The following SH3GL2 variants were observed in gnomAD, a reference collection of about 807,000 sequenced individuals.
SH3GL2 encodes the protein endophilin-A1.
SH3GL2 carries 24 observed loss-of-function variants against 46.0 expected under a neutral mutation model. That is an observed-to-expected ratio of 0.52 (90% confidence interval 0.38 to 0.73). The LOEUF (loss-of-function observed/expected upper bound fraction) is 0.73, where lower values mean the gene tolerates loss of function less well. SH3GL2 is among the 30% of genes least tolerant of loss of function. The probability of loss-of-function intolerance (pLI) is 0.00; values close to 1 mark genes in which losing one functional copy is unlikely to be tolerated. For synonymous variants in SH3GL2, 196 were observed against 147.1 expected (o/e 1.33, Z -2.40); for missense variants, 413 against 424.2 (o/e 0.97, Z 0.23).
intron 1 of SH3GL2, among the ~76,000 whole-genome samples, chr9:17,638,692 C>T (rs1819605026): frequency 6.6e-6 from 1 of 152,200 alleles, no homozygotes; most frequent in South Asian, 2.1e-4. Context: ...TACCACCAGC[C>T]TCTACTGTGG....
At chr9:17,778,489 G>A (rs911399416) in intron 3 of SH3GL2, among the ~76,000 whole-genome samples, 4 of 152,246 alleles carry the variant, frequency 2.6e-5, no homozygotes, top group African/African-American at 9.6e-5. Flanking sequence ...GGCTGGGGGA[G>A]GTCAGAGAGG....
intron 2 of SH3GL2, among the ~76,000 whole-genome samples, chr9:17,749,955 T>C (rs1208632277): frequency 6.6e-6 from 1 of 152,180 alleles, no homozygotes; most frequent in African/African-American, 2.4e-5. Context: ...AAGAACACAC[T>C]CATGGCTCTT....
At position 17,585,320 on chromosome 9, in the gene SH3GL2, A is replaced by G. The variant is rs142851835; in HGVS notation, c.45+6033A>G. ...TGATGGGGCTTTCTAGAGATGAGCA[A>G]TTCTTCTCAATTTAAGGCCAGATAG... On this transcript the variant is annotated intron_variant, in intron 1 of 8. Coordinates refer to ENST00000380607, the MANE Select transcript of SH3GL2 (RefSeq NM_003026.5). 2.0e-3 allele frequency among the ~76,000 whole-genome samples: 305 copies of G among 152,232 alleles called. 2 individuals carry two copies. The highest frequency in any genetic ancestry group is 7.0e-3 in the African/African-American group (291 of 41,540).
At chr9:17,732,440 A>G (rs191480499) in intron 1 of SH3GL2, among the ~76,000 whole-genome samples, 3 of 152,282 alleles carry the variant, frequency 2.0e-5, no homozygotes, top group Admixed American at 6.5e-5. Flanking sequence ...TTGTCTGTTA[A>G]TGTATTCTGG....
intron 3 of SH3GL2, among the ~76,000 whole-genome samples, chr9:17,772,145 T>C (rs1304632757): frequency 6.6e-6 from 1 of 152,144 alleles, no homozygotes; most frequent in African/African-American, 2.4e-5. Context: ...TAATATGCAA[T>C]AATCACATGT....
rs989861310 is a variant in SH3GL2 at position 17,661,661 on chromosome 9, A to G, written c.45+82374A>G. On this transcript the variant is annotated intron_variant, in intron 1 of 8. Coordinates refer to ENST00000380607, the MANE Select transcript of SH3GL2 (RefSeq NM_003026.5). ...GATGGTACTACATAAATAAAACAAA[A>G]CATGCCCTTGGGGTATTGATGTAAT... Among the ~76,000 whole-genome samples, 3 of 152,322 alleles carry G rather than the reference A, an allele frequency of 2.0e-5. No individual in the cohort carries two copies. In the East Asian group the frequency reaches 5.8e-4, roughly 29 times the overall value.
chr9:17,719,586 T>C (rs908135122), intron 1 of SH3GL2, among the ~76,000 whole-genome samples: 3 of 152,172 alleles, frequency 2.0e-5, no homozygotes, highest in African/African-American at 7.2e-5. Context: ...GCCCAGCAGT[T>C]TGATCCCAGC....
intron 1 of SH3GL2, among the ~76,000 whole-genome samples, chr9:17,643,212 A>T (rs9406682): frequency 0.86 from 130,461 of 152,148 alleles, 56,894 homozygotes; most frequent in Non-Finnish European, 0.95. Flanking sequence ...TGTATAGGAA[A>T]GCTTGTGATT....
rs201048064 is a variant in SH3GL2, at chr9:17,637,335, T to C, written c.45+58048T>C. 7.2e-5 allele frequency among the ~76,000 whole-genome samples: 11 copies of C among 152,358 alleles called. No homozygotes were observed. In the East Asian group the frequency reaches 2.1e-3, roughly 29 times the overall value. The stretch of plus-strand genomic sequence containing the variant: ...AGATTCAGGCCCAACGAGAGTATTC[T>C]TAAATTCCCAGTCTTACATAAGAGG... On this transcript the variant is annotated intron_variant, in intron 1 of 8. Transcript: ENST00000380607.
chr9:17,601,316 C>G (rs1403738182), intron 1 of SH3GL2, among the ~76,000 whole-genome samples: 1 of 151,608 alleles, frequency 6.6e-6, no homozygotes, highest in Non-Finnish European at 1.5e-5. Flanking sequence ...AAAATAAACA[C>G]AGGGCTTAAT....
chr9:17,627,653 G>C (rs1182447513), intron 1 of SH3GL2, among the ~76,000 whole-genome samples: 1 of 152,084 alleles, frequency 6.6e-6, no homozygotes, highest in Non-Finnish European at 1.5e-5. Context: ...AAATTGCTGT[G>C]GCGGTGCTCT....
intron 1 of SH3GL2, among the ~76,000 whole-genome samples, chr9:17,731,401 G>A (rs1437649101): frequency 8.6e-5 from 13 of 151,474 alleles, no homozygotes; most frequent in Admixed American, 7.9e-4. Context: ...GAAAAGGGAG[G>A]GAGGTGGGGG....
At chr9:17,708,558 C>T (rs753811925) in intron 1 of SH3GL2, among the ~76,000 whole-genome samples, 4 of 151,852 alleles carry the variant, frequency 2.6e-5, no homozygotes, top group East Asian at 1.9e-4. Context: ...CAAATATATA[C>T]GATTGCGTTA....
intron 1 of SH3GL2, among the ~76,000 whole-genome samples, chr9:17,706,953 A>C (rs1039204361): frequency 6.6e-6 from 1 of 152,012 alleles, no homozygotes; most frequent in African/African-American, 2.4e-5. Context: ...GAAATGTAGC[A>C]TTTCAGAGTA....
chr9:17,733,951 C>T (rs1254155845), intron 1 of SH3GL2, among the ~76,000 whole-genome samples: 1 of 152,024 alleles, frequency 6.6e-6, no homozygotes, highest in Non-Finnish European at 1.5e-5. Context: ...CATTCTCTTA[C>T]TTAACCTCTG....
chr9:17,647,809 A>G (rs1321398923), intron 1 of SH3GL2, among the ~76,000 whole-genome samples: 1 of 152,154 alleles, frequency 6.6e-6, no homozygotes, highest in Non-Finnish European at 1.5e-5. Context: ...AGTTGACAGC[A>G]TTTTTACAGT....
At chr9:17,725,004 C>T (rs1217783138) in intron 1 of SH3GL2, among the ~76,000 whole-genome samples, 2 of 152,090 alleles carry the variant, frequency 1.3e-5, no homozygotes, top group South Asian at 2.1e-4. Context: ...GGTTCTTTCT[C>T]CATTCTCTCC....
rs1460398921 is a variant in SH3GL2, at chr9:17,606,817, A to T, written c.45+27530A>T. On this transcript the variant is annotated intron_variant, in intron 1 of 8. Coordinates refer to ENST00000380607, the MANE Select transcript of SH3GL2 (RefSeq NM_003026.5). Reference sequence around the variant, plus strand: ...CCACAACCAAGAAATAAAATTACAAAATTCAAGATGTATTTTGGCTAGCTT... The same window carrying T: ...CCACAACCAAGAAATAAAATTACAATATTCAAGATGTATTTTGGCTAGCTT... Among the ~76,000 whole-genome samples the T allele has an allele frequency of 2.0e-5, 3 of 152,300 alleles. No homozygotes were observed. The South Asian group carries it at 6.2e-4, about 32-fold the overall frequency.
intron 1 of SH3GL2, among the ~76,000 whole-genome samples, chr9:17,710,345 C>T (rs1047197111): frequency 1.3e-5 from 2 of 151,934 alleles, no homozygotes; most frequent in African/African-American, 4.8e-5. Flanking sequence ...TATAAATTAT[C>T]CAGTCTTGGG....
Sources: allele counts gnomAD v4.1 joint callset (sites outside exome capture counted in the v4.1 genomes callset), GRCh38; gene constraint gnomAD v4.1.1; transcripts MANE v1.5; gene names NCBI Gene and HGNC (gene_info 2026-07-23, HGNC 2026-07-21).